The following CARM1 variants were observed in gnomAD, a reference collection of about 807,000 sequenced individuals.
CARM1 encodes coactivator associated arginine methyltransferase 1, also known as histone-arginine methyltransferase CARM1.
CARM1 carries 14 observed loss-of-function variants against 72.7 expected under a neutral mutation model. The ratio of observed to expected loss-of-function variants is 0.19; its 90% CI spans 0.13 to 0.30. The LOEUF is 0.30. Among genes scored for constraint, CARM1 ranks in the 10% least tolerant of loss-of-function variants. The pLI is 1.00. For missense variants in CARM1, 432 were observed against 833.7 expected, an observed-to-expected ratio of 0.52 and a Z score of 5.93; for synonymous variants, 333 against 345.5, an observed-to-expected ratio of 0.96 and a Z score of 0.40.
chr19:10,871,877 G>C lies in CARM1; in HGVS notation c.175G>C (p.Glu59Gln). 1 of 1,263,396 alleles carries C rather than the reference G, an allele frequency of 7.9e-7. No homozygotes were observed. Among genetic ancestry groups the C allele is most frequent in the Non-Finnish European group, 1.0e-6 (1 of 999,732 alleles). 78.3% of individuals were successfully genotyped at this position (1,263,396 alleles called of 1,614,324 possible). A position where few individuals can be genotyped will look rare whatever the true frequency, so the allele number is the denominator to read the frequency against. Residue 59 changes from glutamate (E) to glutamine (Q), a missense_variant, in exon 1 of 16, where the codon GAG (glutamate) becomes CAG (glutamine). This residue lies in a region of CARM1 where 138 missense variants were observed against 192.3 expected (regional missense o/e 0.72). Coordinates refer to ENST00000327064, the MANE Select transcript of CARM1 (RefSeq NM_199141.2). This position sits in a 1 kb window ranked among gnomAD's most constrained non-coding sequence, Gnocchi z 5.6. ...RHAEQQALRL[E>Q]VRAGPDSAGI... ...CGCGGAGCAGCAGGCGCTGCGCCTC[G>C]AGGTGCGCGCCGGCCCGGACTCGGC...
Position 10,871,810 on chromosome 19 carries a change from C to T in CARM1, c.108C>T (p.Arg36=). The part of the protein sequence containing the change: ...CATVSVFPGA[R]LLTIGDANGE... ...CCGTGTCGGTGTTCCCCGGCGCCCGCCTCCTCACCATCGGCGACGCGAACG... is the reference window on the plus strand; with the variant it reads ...CCGTGTCGGTGTTCCCCGGCGCCCGTCTCCTCACCATCGGCGACGCGAACG... The change falls in exon 1 of 16, where the codon CGC becomes CGT. Residue 36 remains arginine (R), a synonymous_variant. Transcript: ENST00000327064. This position sits in a 1 kb window ranked among gnomAD's most constrained non-coding sequence, Gnocchi z 5.6. 1.6e-6 allele frequency: 2 copies of T among 1,269,054 alleles called. No homozygotes were observed. Among genetic ancestry groups the T allele is most frequent in the Non-Finnish European group, 2.0e-6 (2 of 999,928 alleles). 78.6% of individuals were successfully genotyped at this position (1,269,054 alleles called of 1,614,324 possible). A position where few individuals can be genotyped will look rare whatever the true frequency, so the allele number is the denominator to read the frequency against.
At chr19:10,877,187 G>A (rs963453838) in intron 1 of CARM1, among the ~76,000 whole-genome samples, 3 of 152,096 alleles carry the variant, frequency 2.0e-5, no homozygotes, top group South Asian at 2.1e-4. Context: ...AGGACATCTC[G>A]GTGTCAAGCT....
chr19:10,878,406 C>T (rs1725459097), intron 1 of CARM1, among the ~76,000 whole-genome samples: 3 of 152,080 alleles, frequency 2.0e-5, no homozygotes, highest in Non-Finnish European at 4.4e-5. Flanking sequence ...ATCCTCAGGC[C>T]GAATAGAGCA....
In CARM1 at chr19:10,920,809, G is replaced by A; in HGVS notation, c.1425-25G>A. 7 of 1,613,798 alleles carry A rather than the reference G, an allele frequency of 4.3e-6. No individual in the cohort carries two copies. The highest frequency in any genetic ancestry group is 5.9e-6 in the Non-Finnish European group (7 of 1,179,678). On this transcript the variant is annotated intron_variant, in intron 12 of 15. Coordinates refer to ENST00000327064, the MANE Select transcript of CARM1 (RefSeq NM_199141.2). This position sits in a 1 kb window ranked among gnomAD's most constrained non-coding sequence, Gnocchi z 5.3. ...CCGGCCCTGCAACCCCCTTGCCCCT[G>A]CCCATGGCTCTGTCTCTGCCATAGA...
intron 1 of CARM1, among the ~76,000 whole-genome samples, chr19:10,887,982 G>A (rs567842437): frequency 6.6e-6 from 1 of 152,338 alleles, no homozygotes; most frequent in East Asian, 1.9e-4. Context: ...CCAGGGTGTG[G>A]AGGGTCCCAG....
intron 1 of CARM1, among the ~76,000 whole-genome samples, chr19:10,884,475 C>T (rs2073925991): frequency 6.6e-6 from 1 of 151,906 alleles, no homozygotes; most frequent in Non-Finnish European, 1.5e-5. Context: ...GCCTGAGTCA[C>T]TGTGCCCAGC....
chr19:10,877,895 T>G (rs1330457975), intron 1 of CARM1, among the ~76,000 whole-genome samples: 5 of 152,160 alleles, frequency 3.3e-5, no homozygotes, highest in Admixed American at 1.3e-4. Context: ...GCCCAGCTAA[T>G]TTTTTGTATT....
chr19:10,880,423 G>A (rs2073892907), intron 1 of CARM1, among the ~76,000 whole-genome samples: 1 of 151,960 alleles, frequency 6.6e-6, no homozygotes, highest in Non-Finnish European at 1.5e-5. Context: ...ATAGCTCATT[G>A]CAGCCTTGAA....
intron 1 of CARM1, among the ~76,000 whole-genome samples, chr19:10,876,321 C>T (rs1396327902): frequency 6.6e-5 from 10 of 152,340 alleles, no homozygotes; most frequent in African/African-American, 2.2e-4. Context: ...CCACTGCGCC[C>T]GGCCAATAAA....
At chr19:10,899,587 C>T (rs1480112154) in intron 1 of CARM1, among the ~76,000 whole-genome samples, 2 of 152,098 alleles carry the variant, frequency 1.3e-5, no homozygotes, top group Admixed American at 6.5e-5. Flanking sequence ...CTCAGGAGGG[C>T]GGCACCTGGC....
chr19:10,904,994 A>C lies in CARM1; in HGVS notation c.264A>C (p.Thr88=). The part of the protein sequence containing the change: ...CVFKCSVSRE[T]ECSRVGKQSF... The stretch of plus-strand genomic sequence containing the variant: ...TTAAGTGCTCAGTGTCCCGAGAGAC[A>C]GAGTGCAGCCGTGTGGGCAAGCAGT... The change falls in exon 2 of 16, where the codon ACA becomes ACC. Residue 88 remains threonine, a synonymous_variant. Transcript: ENST00000327064. 1 of 1,614,218 alleles carries C rather than the reference A, an allele frequency of 6.2e-7. No homozygotes were observed. The highest frequency in any genetic ancestry group is 8.5e-7 in the Non-Finnish European group (1 of 1,180,030).
Position 10,871,749 on chromosome 19 carries a change from G to A in CARM1, c.47G>A (p.Gly16Glu). Residue 16 changes from glycine (G) to glutamate (E), a missense_variant, in exon 1 of 16, where the codon GGG (glycine) becomes GAG (glutamate). Transcript: ENST00000327064. The surrounding 1 kb of genome is among the most constrained non-coding windows in gnomAD (Gnocchi z 5.6). ...GTGGGGCCGGGCGCGGGCGGCGCGG[G>A]GTCGGCGGTCCCGGGCGGCGCGGGG... Reference protein sequence around the residue: ...AAVGPGAGGAGSAVPGGAGPC... With the variant: ...AAVGPGAGGAESAVPGGAGPC... 4.7e-6 allele frequency: 5 copies of A among 1,075,232 alleles called. No individual in the cohort carries two copies. The highest frequency in any genetic ancestry group is 3.4e-6 in the Non-Finnish European group (3 of 888,082). The allele number at this position is 1,075,232 out of a possible 1,614,324, so 66.6% of individuals were successfully genotyped here.
In CARM1 at chr19:10,921,840, T is replaced by A. The variant is rs968286888; in HGVS notation, c.*83T>A. ...CCCCGCCGGGCGGCTTTCCCCCTTG[T>A]ACTGGAGAAGCTCGAACACCCGGTC... On this transcript the variant is annotated 3_prime_UTR_variant, in exon 16 of 16. Coordinates refer to ENST00000327064, the MANE Select transcript of CARM1 (RefSeq NM_199141.2). 4 of 1,370,624 alleles carry A rather than the reference T, an allele frequency of 2.9e-6. No individual in the cohort carries two copies. Among genetic ancestry groups the A allele is most frequent in the Non-Finnish European group, 4.0e-6 (4 of 1,005,706 alleles). 84.9% of individuals were successfully genotyped at this position (1,370,624 alleles called of 1,614,324 possible).
At position 10,916,246 on chromosome 19, in the gene CARM1, T is replaced by C. The variant is rs1378747932; in HGVS notation, c.848-161T>C. On this transcript the variant is annotated intron_variant, in intron 6 of 15. Coordinates refer to ENST00000327064, the MANE Select transcript of CARM1 (RefSeq NM_199141.2). This position sits in a 1 kb window ranked among gnomAD's most constrained non-coding sequence, Gnocchi z 4.4. The stretch of plus-strand genomic sequence containing the variant: ...ACCCGTGGTGGTGATGAAACACTGA[T>C]CAGAATAGGCGCTCGGTGCCACTGT... 1.3e-5 allele frequency among the ~76,000 whole-genome samples: 2 copies of C among 152,044 alleles called. No homozygotes were observed. Among genetic ancestry groups the C allele is most frequent in the Non-Finnish European group, 2.9e-5 (2 of 67,998 alleles).
At chr19:10,886,385 G>A (rs955542324) in intron 1 of CARM1, among the ~76,000 whole-genome samples, 7 of 151,716 alleles carry the variant, frequency 4.6e-5, no homozygotes, top group African/African-American at 1.7e-4. Flanking sequence ...TGTAGAGACG[G>A]GGTCTCAACC....
chr19:10,885,339 G>A (rs2073933335), intron 1 of CARM1, among the ~76,000 whole-genome samples: 1 of 152,186 alleles, frequency 6.6e-6, no homozygotes, highest in Admixed American at 6.5e-5. Context: ...AGCCTTGGCA[G>A]GCGTGGGTCT....
rs1380754117 is a variant in CARM1, at chr19:10,923,071, GAA to G, written c.*1317_*1318del. ...GAAAATAAAAGTGTTTGCTTTGTAA[GAA>G]AAGTCTGGAAAGTAGCAGAATCATC... On this transcript the variant is annotated 3_prime_UTR_variant, in exon 16 of 16. Transcript: ENST00000327064. 1.8e-5 allele frequency: 9 copies of G among 513,820 alleles called. No individual in the cohort carries two copies. Among genetic ancestry groups the G allele is most frequent in the Non-Finnish European group, 3.0e-5 (9 of 295,114 alleles). 31.8% of individuals were successfully genotyped at this position (513,820 alleles called of 1,614,324 possible). A position where few individuals can be genotyped will look rare whatever the true frequency, so the allele number is the denominator to read the frequency against.
At chr19:10,914,681 G>A (rs1009670101) in intron 6 of CARM1, among the ~76,000 whole-genome samples, 2 of 152,194 alleles carry the variant, frequency 1.3e-5, no homozygotes, top group South Asian at 4.1e-4. Context: ...TCAGCCTCCT[G>A]AGTAGCTGGG....
intron 2 of CARM1, 26 bp downstream of exon 2, chr19:10,905,102 T>TTG: frequency 6.2e-7 from 1 of 1,609,922 alleles, no homozygotes; most frequent in Middle Eastern, 2.0e-4. Context: ...TCCATTCCGG[T>TTG]GACACCAGCC....
Sources: gnomAD v4.1 joint callset for allele counts (sites outside exome capture counted in the v4.1 genomes callset) on GRCh38, gnomAD v4.1.1 for gene constraint, gnomAD v4.1.1 regional missense constraint, Gnocchi (gnomAD v3.1) non-coding constraint, MANE v1.5 for transcripts, NCBI Gene and HGNC (gene_info 2026-07-23, HGNC 2026-07-21) for gene names.